IQGAP2: variants seen among roughly 807,000 people sequenced by gnomAD.
IQGAP2 encodes IQ motif containing GTPase activating protein 2.
A neutral mutation model predicts 201.3 loss-of-function variants in IQGAP2; 173 were observed. The ratio of observed to expected loss-of-function variants is 0.86; its 90% CI spans 0.76 to 0.98. IQGAP2 has a LOEUF of 0.98. IQGAP2 is among the 50% of genes least tolerant of loss of function. IQGAP2 has a pLI of 0.00. For synonymous variants in IQGAP2, 675 were observed against 673.9 expected (o/e 1.00, Z -0.03); for missense variants, 1,687 against 1,864.8 (o/e 0.90, Z 1.76).
In IQGAP2 at chr5:76,564,956, T is replaced by C. The variant is rs373269580; in HGVS notation, c.303+2404T>C. Among the ~76,000 whole-genome samples, 23 of 152,336 alleles carry C rather than the reference T, an allele frequency of 1.5e-4. 1 individual carries two copies. In the South Asian group the frequency reaches 3.9e-3, roughly 26 times the overall value. On this transcript the variant is annotated intron_variant, in intron 3 of 35. Coordinates refer to ENST00000274364, the MANE Select transcript of IQGAP2 (RefSeq NM_006633.5). ...CAAATGGAAAGGACCCCTCTGTGGA[T>C]TGACTACAGAAAAGAGGTTTGTTTT...
chr5:76,552,419 T>C (rs1743623188), intron 2 of IQGAP2, among the ~76,000 whole-genome samples: 1 of 152,252 alleles, frequency 6.6e-6, no homozygotes, highest in Non-Finnish European at 1.5e-5. Flanking sequence ...CTTTAAGTTC[T>C]GGTTTGTTTA....
intron 10 of IQGAP2, 137 bp from the exon 11 acceptor site, chr5:76,600,675 G>A (rs1747369615): frequency 6.6e-6 from 6 of 902,944 alleles, no homozygotes; most frequent in Non-Finnish European, 1.0e-5. Context: ...GAAAGCAGGT[G>A]GCCACGACTC....
intron 11 of IQGAP2, among the ~76,000 whole-genome samples, chr5:76,605,256 A>G (rs1048011362): frequency 5.3e-5 from 8 of 152,236 alleles, no homozygotes; most frequent in Non-Finnish European, 1.5e-5. Context: ...CCAGGCAGAA[A>G]AAAAGTAATT....
rs1350875499 is a variant in IQGAP2, at chr5:76,403,505, GCGGGGGGCGCGCCC to G, written c.-36_-23del. 1 of 1,435,996 alleles carries G rather than the reference GCGGGGGGCGCGCCC, an allele frequency of 7.0e-7. No individual in the cohort carries two copies. The highest frequency in any genetic ancestry group is 9.1e-7 in the Non-Finnish European group (1 of 1,100,834). 89.0% of individuals were successfully genotyped at this position (1,435,996 alleles called of 1,614,324 possible). The stretch of plus-strand genomic sequence containing the variant: ...GCGAGCCTGGCCAGCGAGGGTAGCC[GCGGGGGGCGCGCCC>G]CGGGCGGGCCCCCGGAGACGCGCAG... On this transcript the variant is annotated 5_prime_UTR_variant, in exon 1 of 36. Transcript: ENST00000274364. This position sits in a 1 kb window ranked among gnomAD's most constrained non-coding sequence, Gnocchi z 4.8.
intron 34 of IQGAP2, chr5:76,702,009 T>C (rs1420483550): frequency 6.6e-6 from 1 of 152,598 alleles, no homozygotes; most frequent in Non-Finnish European, 1.5e-5. Flanking sequence ...AATTTTTGTA[T>C]TTTTAGTAAA....
At chr5:76,590,664 G>A (rs935182599) in intron 8 of IQGAP2, 78 bp downstream of exon 8, 1 of 1,109,666 alleles carries the variant, frequency 9.0e-7, no homozygotes, top group Non-Finnish European at 1.3e-6. Context: ...AATGTTGAAA[G>A]CAATACTTTT....
chr5:76,539,120 G>A (rs1046088167), intron 2 of IQGAP2, among the ~76,000 whole-genome samples: 4 of 152,172 alleles, frequency 2.6e-5, no homozygotes, highest in Non-Finnish European at 5.9e-5. Context: ...GAGTGTCCTG[G>A]TGCTTGGCCC....
chr5:76,540,715 C>T (rs1742707431), intron 2 of IQGAP2, among the ~76,000 whole-genome samples: 1 of 152,176 alleles, frequency 6.6e-6, no homozygotes, highest in Non-Finnish European at 1.5e-5. Flanking sequence ...AAGATGTTCC[C>T]TCCTCCAGGC....
chr5:76,631,975 G>T lies in IQGAP2; in HGVS notation c.1729G>T (p.Asp577Tyr). The T allele has an allele frequency of 1.2e-6, 2 of 1,612,268 alleles. No individual in the cohort carries two copies. Among genetic ancestry groups the T allele is most frequent in the South Asian group, 2.2e-5 (2 of 90,762 alleles). ...AAATGACATAATCCCGGAGTGTGCTGACAAATACTATGATGCCCTTGTGAA... is the reference window on the plus strand; with the variant it reads ...AAATGACATAATCCCGGAGTGTGCTTACAAATACTATGATGCCCTTGTGAA... ...NANDIIPECA[D>Y]KYYDALVKAK... The change falls in exon 15 of 36, where the codon GAC (aspartate) becomes TAC (tyrosine). Residue 577 changes from aspartate to tyrosine, a missense_variant. Transcript: ENST00000274364.
intron 2 of IQGAP2, among the ~76,000 whole-genome samples, chr5:76,513,056 AAAAG>A (rs1458882525): frequency 1.7e-5 from 1 of 57,598 alleles, no homozygotes; most frequent in Non-Finnish European, 2.9e-5. Context: ...GTCTGTCTCA[AAAAG>A]AAAAAAAAAA....
At chr5:76,532,723 C>T (rs1759384591) in intron 2 of IQGAP2, among the ~76,000 whole-genome samples, 1 of 152,174 alleles carries the variant, frequency 6.6e-6, no homozygotes, top group South Asian at 2.1e-4. Context: ...CTGAAACAAG[C>T]CCTGGACTGG....
intron 1 of IQGAP2, chr5:76,404,446 G>T: frequency 2.0e-6 from 2 of 985,066 alleles, no homozygotes; most frequent in Non-Finnish European, 2.4e-6. Flanking sequence ...AAGTTGGCCT[G>T]CTGTCTCTCC....
intron 2 of IQGAP2, among the ~76,000 whole-genome samples, chr5:76,527,134 G>A (rs572563114): frequency 4.9e-4 from 75 of 152,246 alleles, no homozygotes; most frequent in African/African-American, 1.6e-3. Flanking sequence ...CAGATTTGTC[G>A]TCTCACTTAT....
chr5:76,621,667 T>C (rs1278319733), intron 13 of IQGAP2, among the ~76,000 whole-genome samples: 1 of 152,230 alleles, frequency 6.6e-6, no homozygotes, highest in African/African-American at 2.4e-5. Context: ...CTGTGTTTTG[T>C]GGAAAAGTTG....
At chr5:76,550,506 C>G (rs551205418) in intron 2 of IQGAP2, among the ~76,000 whole-genome samples, 2 of 152,012 alleles carry the variant, frequency 1.3e-5, no homozygotes, top group African/African-American at 2.4e-5. Context: ...TGCTGCCTTC[C>G]GCAGTGTTTG....
chr5:76,443,369 C>T (rs993037539), intron 1 of IQGAP2, among the ~76,000 whole-genome samples: 1 of 151,954 alleles, frequency 6.6e-6, no homozygotes, highest in African/African-American at 2.4e-5. Flanking sequence ...ATCCATAGTC[C>T]CAGCTACTTG....
intron 30 of IQGAP2, among the ~76,000 whole-genome samples, chr5:76,692,328 C>G (rs892460114): frequency 6.6e-6 from 1 of 152,074 alleles, no homozygotes; most frequent in African/African-American, 2.4e-5. Flanking sequence ...ATTTTTGTAT[C>G]CTTAGTAGGG....
intron 2 of IQGAP2, among the ~76,000 whole-genome samples, chr5:76,524,786 A>G (rs532041994): frequency 6.6e-6 from 1 of 152,346 alleles, no homozygotes; most frequent in South Asian, 2.1e-4. Flanking sequence ...TCACATCAAT[A>G]GCCTTTGAAA....
At chr5:76,531,594 C>T (rs1759299724) in intron 2 of IQGAP2, among the ~76,000 whole-genome samples, 1 of 152,184 alleles carries the variant, frequency 6.6e-6, no homozygotes, top group African/African-American at 2.4e-5. Context: ...GATTAAGTTT[C>T]CAACATGCAA....
Sources: gnomAD v4.1 joint callset for allele counts (sites outside exome capture counted in the v4.1 genomes callset) on GRCh38, gnomAD v4.1.1 for gene constraint, Gnocchi (gnomAD v3.1) non-coding constraint, MANE v1.5 for transcripts, NCBI Gene and HGNC (gene_info 2026-07-23, HGNC 2026-07-21) for gene names.